NGEF: variants seen among roughly 807,000 people sequenced by gnomAD.
NGEF encodes the protein ephexin-1.
A neutral mutation model predicts 80.9 loss-of-function variants in NGEF; 31 were observed. The ratio of observed to expected loss-of-function variants is 0.38; its 90% CI spans 0.29 to 0.52. The LOEUF (loss-of-function observed/expected upper bound fraction) is 0.52, where lower values mean the gene tolerates loss of function less well. Among genes scored for constraint, NGEF ranks in the 20% least tolerant of loss-of-function variants. NGEF has a pLI of 0.84. For missense variants in NGEF, 709 were observed against 926.2 expected (o/e 0.77, Z 3.04); for synonymous variants, 371 against 370.2 (o/e 1.00, Z -0.03).
chr2:232,968,093 C>CTTTT lies in NGEF; in HGVS notation c.383+2117_383+2120dup, dbSNP rs1274944227. ...TTGCTGAGGGCAGAAACAGACCTGGCTTTTTTTTTTTTGAGACAAAGTTTC... is the reference window on the plus strand; with the variant it reads ...TTGCTGAGGGCAGAAACAGACCTGGCTTTTTTTTTTTTTTTTGAGACAAAGTTTC... On this transcript the variant is annotated intron_variant, in intron 3 of 14. Coordinates refer to ENST00000264051, the MANE Select transcript of NGEF (RefSeq NM_019850.3). 5.6e-5 allele frequency among the ~76,000 whole-genome samples: 7 copies of CTTTT among 125,782 alleles called. 1 individual carries two copies. The highest frequency in any genetic ancestry group is 1.6e-4 in the Admixed American group (2 of 12,766). The allele number at this position is 125,782 out of a possible 152,430, so 82.5% of individuals were successfully genotyped here. A position where few individuals can be genotyped will look rare whatever the true frequency, so the allele number is the denominator to read the frequency against.
intron 3 of NGEF, among the ~76,000 whole-genome samples, chr2:232,929,103 G>A (rs1171460494): frequency 6.6e-6 from 1 of 152,226 alleles, no homozygotes; most frequent in African/African-American, 2.4e-5. Flanking sequence ...GCCCTTGGGT[G>A]ACCGCGGCCT....
At chr2:232,950,264 A>G (rs1483103395) in intron 3 of NGEF, among the ~76,000 whole-genome samples, 1 of 152,094 alleles carries the variant, frequency 6.6e-6, no homozygotes, top group Non-Finnish European at 1.5e-5. Flanking sequence ...TGCTGGTTTT[A>G]ATTTCAGCAA....
rs538529318 is a variant in NGEF, at chr2:232,886,501, G to A, written c.1348-1132C>T. Among the ~76,000 whole-genome samples the A allele has an allele frequency of 2.6e-5, 4 of 152,352 alleles. No individual in the cohort carries two copies. The East Asian group carries it at 7.7e-4, about 29-fold the overall frequency. On this transcript the variant is annotated intron_variant, in intron 9 of 14. Transcript: ENST00000264051. ...TGTTTAGGGCGAGCTGCAGCCTGTC[G>A]GCAGGGAGGGCGAGGTGGCTAGTGA...
At chr2:232,963,473 T>A (rs545325566) in intron 3 of NGEF, among the ~76,000 whole-genome samples, 2 of 151,892 alleles carry the variant, frequency 1.3e-5, no homozygotes, top group Non-Finnish European at 2.9e-5. Context: ...AATAAAAAAA[T>A]TTCTAACTTA....
At chr2:232,904,862 G>C (rs1575006182) in intron 5 of NGEF, among the ~76,000 whole-genome samples, 1 of 152,104 alleles carries the variant, frequency 6.6e-6, no homozygotes, top group African/African-American at 2.4e-5. Flanking sequence ...AGGACAGCTT[G>C]AGCCCAGGAG....
intron 3 of NGEF, chr2:232,927,772 G>C (rs1184398073): frequency 5.5e-6 from 3 of 540,746 alleles, no homozygotes; most frequent in Non-Finnish European, 5.5e-6. Flanking sequence ...AGGGGCGGCG[G>C]GGGCCCGCGG....
intron 5 of NGEF, among the ~76,000 whole-genome samples, chr2:232,917,409 G>A (rs2106272749): frequency 6.6e-6 from 1 of 151,938 alleles, no homozygotes; most frequent in African/African-American, 2.4e-5. Context: ...CATTTGCATT[G>A]TTTGTATTTT....
intron 1 of NGEF, among the ~76,000 whole-genome samples, chr2:232,999,209 C>T (rs1694920380): frequency 6.6e-6 from 1 of 152,046 alleles, no homozygotes; most frequent in Non-Finnish European, 1.5e-5. Flanking sequence ...CCAGGCTGCC[C>T]TTTTTATTAT....
chr2:232,997,736 T>G (rs1694883631), intron 1 of NGEF, among the ~76,000 whole-genome samples: 1 of 152,078 alleles, frequency 6.6e-6, no homozygotes, highest in Non-Finnish European at 1.5e-5. Flanking sequence ...TGCCCTCTGC[T>G]CTCCAGGGCC....
intron 1 of NGEF, chr2:233,012,774 C>T (rs1187116912): frequency 2.2e-6 from 1 of 461,548 alleles, no homozygotes; most frequent in Non-Finnish European, 4.5e-6. Flanking sequence ...ATTATGCAGC[C>T]ATTCCTGCTT....
chr2:232,900,890 G>GC (rs1309818075), intron 5 of NGEF, among the ~76,000 whole-genome samples: 3 of 152,200 alleles, frequency 2.0e-5, no homozygotes, highest in African/African-American at 7.2e-5. Context: ...AGGTGAGCAG[G>GC]CCCCCTCTCA....
At chr2:232,882,741 T>G (rs754737755) in intron 12 of NGEF, among the ~76,000 whole-genome samples, 6 of 152,054 alleles carry the variant, frequency 3.9e-5, no homozygotes, top group Non-Finnish European at 7.4e-5. Context: ...GAGCCTCAGC[T>G]CCGCAGGCCA....
chr2:232,937,944 G>T (rs1249323544), intron 3 of NGEF, among the ~76,000 whole-genome samples: 11 of 152,194 alleles, frequency 7.2e-5, no homozygotes, highest in Non-Finnish European at 1.5e-5. Context: ...GTGAAGTGAA[G>T]AGTGTTTTGT....
intron 13 of NGEF, 84 bp downstream of exon 13, chr2:232,882,102 C>T: frequency 7.8e-7 from 1 of 1,284,776 alleles, no homozygotes; most frequent in Non-Finnish European, 1.1e-6. Context: ...GGCTTCCCTC[C>T]AGGCAGGGCA....
In NGEF at chr2:232,995,106, A is replaced by ATGTATAC. The variant is rs1553559810; in HGVS notation, c.-75+17961_-75+17962insGTATACA. Among the ~76,000 whole-genome samples, 4 of 8,046 alleles carry ATGTATAC rather than the reference A, an allele frequency of 5.0e-4. 2 individuals carry two copies. The highest frequency in any genetic ancestry group is 7.8e-4 in the African/African-American group (2 of 2,578). 5.3% of individuals were successfully genotyped at this position (8,046 alleles called of 152,430 possible). Reference sequence around the variant, plus strand: ...TGTACAGTATGTATATGTGTACAGTATGTATATGTGTACAGTATGTATATA... The same window carrying ATGTATAC: ...TGTACAGTATGTATATGTGTACAGTATGTATACTGTATATGTGTACAGTATGTATATA... On this transcript the variant is annotated intron_variant, in intron 1 of 14. Transcript: ENST00000264051.
At chr2:232,924,994 T>C (rs2106281505) in intron 4 of NGEF, among the ~76,000 whole-genome samples, 1 of 152,378 alleles carries the variant, frequency 6.6e-6, no homozygotes, top group Non-Finnish European at 1.5e-5. Context: ...AAGTTTTCTT[T>C]ACCTGACGAA....
At chr2:232,948,878 C>T (rs904454233) in intron 3 of NGEF, among the ~76,000 whole-genome samples, 13 of 151,874 alleles carry the variant, frequency 8.6e-5, no homozygotes, top group South Asian at 2.1e-4. Flanking sequence ...ATTAGCCAGG[C>T]GTGGTGGTGG....
intron 3 of NGEF, among the ~76,000 whole-genome samples, chr2:232,933,475 T>G (rs778343): frequency 0.84 from 128,023 of 152,092 alleles, 54,171 homozygotes; most frequent in African/African-American, 0.91. Context: ...CTGGACTACT[T>G]CAAGTCCCTC....
chr2:232,920,659 G>T, intron 4 of NGEF, 74 bp from the exon 5 acceptor site: 2 of 1,423,210 alleles, frequency 1.4e-6, no homozygotes, highest in Non-Finnish European at 1.9e-6. Flanking sequence ...CTAAGTCAAG[G>T]CTTCGTGTTC....
Sources: allele counts gnomAD v4.1 joint callset (sites outside exome capture counted in the v4.1 genomes callset), GRCh38; gene constraint gnomAD v4.1.1; transcripts MANE v1.5; gene names NCBI Gene and HGNC (gene_info 2026-07-23, HGNC 2026-07-21).